Variants in PNPLA8 observed in about 807,000 individuals in gnomAD.
The protein encoded by PNPLA8 is patatin like domain 8, phospholipase A2.
Under a neutral mutation model 76.9 loss-of-function variants are expected in PNPLA8, and 39 were observed. The ratio of observed to expected loss-of-function variants is 0.51; its 90% CI spans 0.39 to 0.66. The LOEUF is 0.66. PNPLA8 is among the 30% of genes least tolerant of loss of function. The pLI is 0.00. For missense variants in PNPLA8, 887 were observed against 918.0 expected, an observed-to-expected ratio of 0.97 and a Z score of 0.44; for synonymous variants, 301 against 307.9, an observed-to-expected ratio of 0.98 and a Z score of 0.24.
In PNPLA8 at chr7:108,471,213, C is replaced by CTTTTTTTTT. The variant is rs67049113; in HGVS notation, c.*1179_*1187dup. The CTTTTTTTTT allele has an allele frequency of 8.3e-6, 1 of 120,156 alleles. No individual in the cohort carries two copies. Among genetic ancestry groups the CTTTTTTTTT allele is most frequent in the Non-Finnish European group, 1.7e-5 (1 of 57,902 alleles). 7.4% of individuals were successfully genotyped at this position (120,156 alleles called of 1,614,324 possible). The stretch of plus-strand genomic sequence containing the variant: ...TAAGGTAAAACAAGCCTAACTTCTT[C>CTTTTTTTTT]TTTTTTTTTTTTTTTTTTTTGAGAT... On this transcript the variant is annotated 3_prime_UTR_variant, in exon 11 of 11. Coordinates refer to ENST00000257694, the MANE Select transcript of PNPLA8 (RefSeq NM_001256007.3).
chr7:108,491,325 T>C, intron 8 of PNPLA8, 85 bp downstream of exon 8: 1 of 810,012 alleles, frequency 1.2e-6, no homozygotes, highest in Admixed American at 2.2e-5. Context: ...AAAAATAAAA[T>C]AAAATAAAAT....
rs371476096 is a variant in PNPLA8 at position 108,514,750 on chromosome 7, A to G, written c.742T>C (p.Ser248Pro). The G allele has an allele frequency of 6.2e-7, 1 of 1,613,358 alleles. No individual in the cohort carries two copies. The highest frequency in any genetic ancestry group is 1.3e-5 in the African/African-American group (1 of 74,824). ...TAAGCCAGGATGCCAGGATCTGGAG[A>G]TCTTAATTTCCCCTCTTCTACCTTT... ...DKKVEEGKLR[S>P]PDPGILAYKP... is the part of the protein sequence containing the mutation. The change falls in exon 3 of 11, where the codon TCT (serine) becomes CCT (proline). Residue 248 changes from serine to proline, a missense_variant. Coordinates refer to ENST00000257694, the MANE Select transcript of PNPLA8 (RefSeq NM_001256007.3).
intron 6 of PNPLA8, 81 bp from the exon 7 acceptor site, chr7:108,496,836 C>G (rs1293355680): frequency 1.6e-5 from 19 of 1,174,506 alleles, no homozygotes; most frequent in Non-Finnish European, 2.2e-5. Flanking sequence ...ATAGTTTTGG[C>G]TTAAATTTTA....
chr7:108,510,569 C>G, intron 4 of PNPLA8: 1 of 1,473,300 alleles, frequency 6.8e-7, no homozygotes, highest in Non-Finnish European at 9.4e-7. Flanking sequence ...GCTTCTTCGC[C>G]TTCGTCAAAT....
At chr7:108,507,341 CAAAA>C (rs66685490) in intron 4 of PNPLA8, among the ~76,000 whole-genome samples, 3 of 45,380 alleles carry the variant, frequency 6.6e-5, no homozygotes, top group South Asian at 1.2e-3. Flanking sequence ...GACTCTGTCT[CAAAA>C]AAAAAAAAAA....
At chr7:108,516,399 G>A (rs1343326740) in intron 2 of PNPLA8, among the ~76,000 whole-genome samples, 1 of 152,166 alleles carries the variant, frequency 6.6e-6, no homozygotes, top group Non-Finnish European at 1.5e-5. Flanking sequence ...ACTGACATCT[G>A]CATGCAAATT....
rs371594681 is a variant in PNPLA8 at position 108,515,129 on chromosome 7, T to C, written c.363A>G (p.Glu121=). 1.2e-4 allele frequency: 188 copies of C among 1,606,006 alleles called. No individual in the cohort carries two copies. Among genetic ancestry groups the C allele is most frequent in the Non-Finnish European group, 9.9e-5 (116 of 1,176,014 alleles). ...VSKAVFGNQN[E]MISRLAQFKP... is the part of the protein sequence containing the mutation. ...TAAATTGAGCTAAACGTGAAATCATTTCATTTTGATTGCCAAAAACAGCCT... is the reference window on the plus strand; with the variant it reads ...TAAATTGAGCTAAACGTGAAATCATCTCATTTTGATTGCCAAAAACAGCCT... The change falls in exon 3 of 11, where the codon GAA becomes GAG. Residue 121 remains glutamate (E), a synonymous_variant. Transcript: ENST00000257694.
intron 4 of PNPLA8, among the ~76,000 whole-genome samples, chr7:108,506,445 G>C (rs948350290): frequency 1.3e-5 from 2 of 149,854 alleles, no homozygotes; most frequent in African/African-American, 2.4e-5. Context: ...GAATTCTGGT[G>C]AAAGAATAAA....
chr7:108,501,548 C>T (rs113823295), intron 5 of PNPLA8, among the ~76,000 whole-genome samples: 47 of 152,224 alleles, frequency 3.1e-4, no homozygotes, highest in African/African-American at 9.4e-4. Flanking sequence ...GCTGGCTGGG[C>T]GCGGTGGCTC....
Position 108,496,569 on chromosome 7 carries a change from G to A in PNPLA8, c.1625+15C>T, listed in dbSNP as rs1240772652. 11 of 1,549,100 alleles carry A rather than the reference G, an allele frequency of 7.1e-6. No homozygotes were observed. Among genetic ancestry groups the A allele is most frequent in the Non-Finnish European group, 9.7e-6 (11 of 1,138,824 alleles). ...TATATAATCAGAAGATTTAAAAAGA[G>A]TAATTGTAACTTACTTAAGAATGTT... On this transcript the variant is annotated intron_variant, in intron 7 of 10. Transcript: ENST00000257694.
At chr7:108,479,877 T>TA (rs1234723646) in intron 9 of PNPLA8, among the ~76,000 whole-genome samples, 1 of 152,176 alleles carries the variant, frequency 6.6e-6, no homozygotes, top group East Asian at 1.9e-4. Flanking sequence ...AACCTTATAT[T>TA]TCTAAGTATG....
intron 9 of PNPLA8, among the ~76,000 whole-genome samples, chr7:108,483,650 A>G (rs1860552658): frequency 6.6e-6 from 1 of 152,256 alleles, no homozygotes; most frequent in Admixed American, 6.5e-5. Flanking sequence ...TCCATTCACC[A>G]GTTGAAAAGA....
intron 4 of PNPLA8, chr7:108,510,396 A>G (rs2154516435): frequency 1.9e-6 from 3 of 1,545,020 alleles, no homozygotes; most frequent in Non-Finnish European, 2.7e-6. Context: ...AAAGCAAAGC[A>G]CTATCACAGG....
intron 9 of PNPLA8, among the ~76,000 whole-genome samples, chr7:108,485,003 T>C (rs1860648465): frequency 6.6e-6 from 1 of 152,284 alleles, no homozygotes; most frequent in East Asian, 1.9e-4. Flanking sequence ...ACCTGGAATG[T>C]TTAAATAAAA....
chr7:108,502,477 GT>G lies in PNPLA8; in HGVS notation c.1358+13del. On this transcript the variant is annotated intron_variant, in intron 5 of 10. Coordinates refer to ENST00000257694, the MANE Select transcript of PNPLA8 (RefSeq NM_001256007.3). The stretch of plus-strand genomic sequence containing the variant: ...AAAAAAAAAAAAAAAAAAGAATCAT[GT>G]TCCTAGCCTTACCTTGTTCCTCCAC... The G allele has an allele frequency of 1.6e-6, 1 of 610,090 alleles. No homozygotes were observed. The highest frequency in any genetic ancestry group is 2.8e-6 in the Non-Finnish European group (1 of 354,952). 37.8% of individuals were successfully genotyped at this position (610,090 alleles called of 1,614,324 possible).
upstream of PNPLA8, chr7:108,526,177 T>C (rs1003857286): frequency 1.3e-6 from 1 of 790,116 alleles, no homozygotes; most frequent in Non-Finnish European, 1.5e-6. Context: ...CCCGCCCCGC[T>C]CCGCCCCCAG....
upstream of PNPLA8, chr7:108,528,108 G>A (rs894108728): frequency 4.6e-5 from 7 of 152,058 alleles, no homozygotes; most frequent in Non-Finnish European, 7.3e-5. Context: ...TTCTTGAATC[G>A]TTCCTCTGCT....
chr7:108,476,271 T>C (rs564657557), intron 10 of PNPLA8, among the ~76,000 whole-genome samples: 29 of 152,208 alleles, frequency 1.9e-4, no homozygotes, highest in African/African-American at 7.0e-4. Flanking sequence ...GAGGCAACAT[T>C]TCATGTTTCT....
intron 4 of PNPLA8, chr7:108,510,814 T>C (rs547520310): frequency 4.0e-5 from 64 of 1,600,544 alleles, no homozygotes; most frequent in Non-Finnish European, 5.3e-5. Flanking sequence ...ATGAGATCTA[T>C]ACTGTTGGAA....
Sources: gnomAD v4.1 joint callset for allele counts (sites outside exome capture counted in the v4.1 genomes callset) on GRCh38, gnomAD v4.1.1 for gene constraint, MANE v1.5 for transcripts, NCBI Gene and HGNC (gene_info 2026-07-23, HGNC 2026-07-21) for gene names.